The following MED27 variants were observed in gnomAD, a reference collection of about 807,000 sequenced individuals.
MED27 encodes the protein mediator of RNA polymerase II transcription subunit 27.
A neutral mutation model predicts 38.2 loss-of-function variants in MED27; 30 were observed. The ratio of observed to expected loss-of-function variants is 0.79; its 90% CI spans 0.59 to 1.07. The LOEUF (loss-of-function observed/expected upper bound fraction) is 1.07. MED27 is among the 50% of genes least tolerant of loss of function. The probability of loss-of-function intolerance (pLI) is 0.00; values close to 1 mark genes in which losing one functional copy is unlikely to be tolerated. For missense variants in MED27, 289 were observed against 397.5 expected, an observed-to-expected ratio of 0.73 and a Z score of 2.32; for synonymous variants, 122 against 153.5, an observed-to-expected ratio of 0.79 and a Z score of 1.52.
At chr9:131,988,885 CG>C (rs1186042817) in intron 3 of MED27, among the ~76,000 whole-genome samples, 3 of 42,242 alleles carry the variant, frequency 7.1e-5, no homozygotes, top group African/African-American at 7.6e-5. Context: ...TTTTTGGCTG[CG>C]CCGAGGGTGA....
chr9:131,918,062 T>G (rs969499282), intron 4 of MED27, among the ~76,000 whole-genome samples: 4 of 152,220 alleles, frequency 2.6e-5, no homozygotes, highest in Non-Finnish European at 2.9e-5. Flanking sequence ...GAGGTGGAAT[T>G]GCCTTCTCCA....
At chr9:131,940,867 C>A (rs566724051) in intron 3 of MED27, among the ~76,000 whole-genome samples, 6 of 152,336 alleles carry the variant, frequency 3.9e-5, no homozygotes, top group African/African-American at 9.6e-5. Flanking sequence ...ATCCTCTATT[C>A]TTATACCCAG....
At chr9:131,925,133 A>C (rs1830459728) in intron 4 of MED27, among the ~76,000 whole-genome samples, 1 of 152,204 alleles carries the variant, frequency 6.6e-6, no homozygotes, top group Non-Finnish European at 1.5e-5. Context: ...CCACTGTCCT[A>C]AACCAAGCAA....
intron 2 of MED27, among the ~76,000 whole-genome samples, chr9:132,036,481 T>G (rs988291531): frequency 6.6e-6 from 1 of 152,200 alleles, no homozygotes; most frequent in Non-Finnish European, 1.5e-5. Context: ...GGATTACATG[T>G]GTGAGCCACT....
intron 4 of MED27, among the ~76,000 whole-genome samples, chr9:131,931,186 A>G (rs910143648): frequency 1.3e-5 from 2 of 152,190 alleles, no homozygotes; most frequent in Non-Finnish European, 2.9e-5. Flanking sequence ...CGGAGGCTGC[A>G]GTGAGCCAAG....
At chr9:132,077,324 C>A in intron 2 of MED27, 118 bp downstream of exon 2, 1 of 1,038,864 alleles carries the variant, frequency 9.6e-7, no homozygotes, top group Non-Finnish European at 1.4e-6. Flanking sequence ...ACTCTATAAC[C>A]CCATGCTGAA....
chr9:132,064,817 ACT>A (rs1833774664), intron 2 of MED27, among the ~76,000 whole-genome samples: 1 of 152,096 alleles, frequency 6.6e-6, no homozygotes, highest in Non-Finnish European at 1.5e-5. Context: ...GTCACCCGGC[ACT>A]CTGTCATGGT....
In MED27 at chr9:131,872,872, G is replaced by C. The variant is rs919234514; in HGVS notation, c.724-9732C>G. On this transcript the variant is annotated intron_variant, in intron 6 of 7. Transcript: ENST00000292035. The surrounding 1 kb of genome is among the most constrained non-coding windows in gnomAD (Gnocchi z 5.6). ...TTCCAGGCCAGTTCAAAGAGCTTGA[G>C]GATTCAGCTTGGAACCAGGGAGGCC... Among the ~76,000 whole-genome samples, 10 of 152,254 alleles carry C rather than the reference G, an allele frequency of 6.6e-5. No homozygotes were observed. The highest frequency in any genetic ancestry group is 1.5e-4 in the Non-Finnish European group (10 of 68,048).
chr9:132,050,914 T>A (rs539825498), intron 2 of MED27, among the ~76,000 whole-genome samples: 1 of 152,320 alleles, frequency 6.6e-6, no homozygotes, highest in East Asian at 1.9e-4. Flanking sequence ...TGTCAACATC[T>A]CGGCATATGA....
At chr9:131,914,810 C>T (rs894379703) in intron 4 of MED27, among the ~76,000 whole-genome samples, 1 of 152,160 alleles carries the variant, frequency 6.6e-6, no homozygotes, top group Non-Finnish European at 1.5e-5. Flanking sequence ...AGAAAGATGG[C>T]AGCCTGAACT....
chr9:131,947,405 G>A (rs1039593509), intron 3 of MED27, among the ~76,000 whole-genome samples: 5 of 152,132 alleles, frequency 3.3e-5, no homozygotes, highest in African/African-American at 1.2e-4. Context: ...GAAACACACT[G>A]TTATTGACAT....
chr9:131,988,701 C>CT (rs918966960), intron 3 of MED27, among the ~76,000 whole-genome samples: 3 of 152,168 alleles, frequency 2.0e-5, no homozygotes, highest in Admixed American at 1.3e-4. Flanking sequence ...AGGCTGGTCT[C>CT]TAACTCCTGG....
intron 2 of MED27, among the ~76,000 whole-genome samples, chr9:132,040,771 A>G (rs974743029): frequency 3.9e-5 from 6 of 152,172 alleles, no homozygotes; most frequent in African/African-American, 1.4e-4. Context: ...CCGCACACTC[A>G]AGCACCAGCA....
At chr9:132,017,845 G>C (rs1832638109) in intron 2 of MED27, among the ~76,000 whole-genome samples, 1 of 152,084 alleles carries the variant, frequency 6.6e-6, no homozygotes, top group Non-Finnish European at 1.5e-5. Flanking sequence ...CTCTATACCT[G>C]AGAAAATTTT....
chr9:131,888,046 G>T (rs1839170128), intron 5 of MED27, among the ~76,000 whole-genome samples: 1 of 152,046 alleles, frequency 6.6e-6, no homozygotes. Flanking sequence ...GGTGAAAATG[G>T]TGACAAATCA....
At chr9:131,894,398 C>G (rs1564272459) in intron 4 of MED27, among the ~76,000 whole-genome samples, 1 of 152,038 alleles carries the variant, frequency 6.6e-6, no homozygotes, top group African/African-American at 2.4e-5. Context: ...CTATGTATAC[C>G]TATGCAATAT....
chr9:132,073,332 A>T (rs1388696782), intron 2 of MED27: 9 of 990,624 alleles, frequency 9.1e-6, no homozygotes, highest in Non-Finnish European at 1.1e-5. Flanking sequence ...AGGGGTTGTA[A>T]ATTAAAAATT....
rs551051274 is a variant in MED27 at position 132,003,592 on chromosome 9, C to T, written c.479+10745G>A. Among the ~76,000 whole-genome samples, 15 of 152,256 alleles carry T rather than the reference C, an allele frequency of 9.9e-5. No individual in the cohort carries two copies. The South Asian group carries it at 3.1e-3, about 32-fold the overall frequency. On this transcript the variant is annotated intron_variant, in intron 3 of 7. Transcript: ENST00000292035. The surrounding 1 kb of genome is among the most constrained non-coding windows in gnomAD (Gnocchi z 4.2). ...CAGGGCTCTGTCACCAACTCCTCTG[C>T]CTGCTCTTCTGGTCTCCCTCCACAA...
chr9:131,951,896 A>C (rs1466098717), intron 3 of MED27, among the ~76,000 whole-genome samples: 1 of 152,178 alleles, frequency 6.6e-6, no homozygotes, highest in Non-Finnish European at 1.5e-5. Context: ...TTACTACATC[A>C]ATGCATTTCA....
Sources: gnomAD v4.1 joint callset for allele counts (sites outside exome capture counted in the v4.1 genomes callset) on GRCh38, gnomAD v4.1.1 for gene constraint, Gnocchi (gnomAD v3.1) non-coding constraint, MANE v1.5 for transcripts, NCBI Gene and HGNC (gene_info 2026-07-23, HGNC 2026-07-21) for gene names.